Variants in C1QTNF3 observed in about 807,000 individuals in gnomAD.
C1QTNF3 encodes complement C1q tumor necrosis factor-related protein 3.
A neutral mutation model predicts 32.6 loss-of-function variants in C1QTNF3; 26 were observed. That is an observed-to-expected ratio of 0.80 (90% CI 0.58 to 1.11). The LOEUF is 1.11. C1QTNF3 is among the 50% of genes least tolerant of loss of function. The pLI is 0.00. For synonymous variants in C1QTNF3, 155 were observed against 146.0 expected (o/e 1.06, Z -0.44); for missense variants, 362 against 398.2 (o/e 0.91, Z 0.77).
Position 34,028,812 on chromosome 5 carries a change from C to G in C1QTNF3, c.642G>C (p.Glu214Asp). The change falls in exon 4 of 6, where the codon GAG becomes GAC. Residue 214 changes from glutamate (E) to aspartate (D), a missense_variant. By Grantham distance (45) the Glu-to-Asp change is conservative. Transcript: ENST00000382065. ...CATCAAAGAAGTTTCCAATGTTGGT[C>G]TCAACACTGCTGAAGATAATCCCAC... is the stretch of plus-strand genomic sequence containing the variant. ...QNSGIIFSSV[E>D]TNIGNFFDVM... is the part of the protein sequence containing the mutation. 1 of 1,613,052 alleles carries G rather than the reference C, an allele frequency of 6.2e-7. No individual in the cohort carries two copies. Among genetic ancestry groups the G allele is most frequent in the Middle Eastern group, 1.7e-4 (1 of 6,056 alleles).
the C1QTNF3 span, among the ~76,000 whole-genome samples, chr5:34,102,055 GAGATTCCT>G: frequency 6.8e-6 from 1 of 147,466 alleles, no homozygotes; most frequent in African/African-American, 2.5e-5. Flanking sequence ...TATTTCAAAG[GAGATTCCT>G]AGATGTGAAA....
At chr5:34,167,391 CTA>C in the C1QTNF3 span, 4 of 152,214 alleles carry the variant, frequency 2.6e-5, no homozygotes, top group Non-Finnish European at 5.9e-5. Context: ...CTCTCTTTCT[CTA>C]TCTTACATCT....
At chr5:34,202,767 T>A in the C1QTNF3 span, among the ~76,000 whole-genome samples, 29 of 152,336 alleles carry the variant, frequency 1.9e-4, no homozygotes, top group African/African-American at 6.7e-4. Flanking sequence ...GCTGCATACT[T>A]TGGGAAGCAT....
the C1QTNF3 span, among the ~76,000 whole-genome samples, chr5:34,224,421 C>A: frequency 1.3e-5 from 2 of 152,160 alleles, no homozygotes; most frequent in Admixed American, 1.3e-4. Flanking sequence ...GCTACAGTAA[C>A]CAAAACAGCA....
At chr5:34,216,568 A>G in the C1QTNF3 span, among the ~76,000 whole-genome samples, 1 of 152,208 alleles carries the variant, frequency 6.6e-6, no homozygotes, top group Admixed American at 6.6e-5. Flanking sequence ...ATAAAGCCAC[A>G]TGGTATCCAT....
the C1QTNF3 span, among the ~76,000 whole-genome samples, chr5:34,101,775 G>A: frequency 6.6e-6 from 1 of 151,960 alleles, no homozygotes; most frequent in Admixed American, 6.6e-5. Flanking sequence ...CAGCCTCTTT[G>A]ATCATTTCAG....
At chr5:34,179,338 C>T in the C1QTNF3 span, among the ~76,000 whole-genome samples, 2 of 152,278 alleles carry the variant, frequency 1.3e-5, no homozygotes, top group African/African-American at 4.8e-5. Context: ...AAAAATTAGC[C>T]AGGCTTAGTG....
chr5:34,148,031 T>G, the C1QTNF3 span, among the ~76,000 whole-genome samples: 13 of 151,980 alleles, frequency 8.6e-5, no homozygotes, highest in African/African-American at 1.2e-4. Context: ...GGGCAAGGCA[T>G]TGCCTCACCT....
rs369846327 is a variant in C1QTNF3, at chr5:34,042,800, C to T, written c.303+23G>A. The T allele has an allele frequency of 3.2e-4, 518 of 1,594,270 alleles. 1 individual carries two copies. The highest frequency in any genetic ancestry group is 4.1e-4 in the Non-Finnish European group (483 of 1,170,540). ...ACACTCATTAAGCTTTCACAAAAAT[C>T]CTTAGAAGAGAATTCTGAGTACCTG... On this transcript the variant is annotated intron_variant, in intron 1 of 5. Coordinates refer to ENST00000382065, the MANE Select transcript of C1QTNF3 (RefSeq NM_181435.6).
the C1QTNF3 span, among the ~76,000 whole-genome samples, chr5:34,233,158 G>A: frequency 6.6e-6 from 1 of 150,394 alleles, no homozygotes; most frequent in African/African-American, 2.4e-5. Flanking sequence ...TGTATTTAAT[G>A]TTTGTTTTCT....
Position 34,025,631 on chromosome 5 carries a change from A to G in C1QTNF3, c.701-1623T>C, listed in dbSNP as rs542840199. Among the ~76,000 whole-genome samples, 4 of 152,302 alleles carry G rather than the reference A, an allele frequency of 2.6e-5. No homozygotes were observed. The South Asian group carries it at 6.2e-4, about 24-fold the overall frequency. On this transcript the variant is annotated intron_variant, in intron 4 of 5. Transcript: ENST00000382065. The stretch of plus-strand genomic sequence containing the variant: ...GGACAAAATGGTCTTTTTGCAATCT[A>G]TTGCAAAAATGGAGACTGAAACAGA...
the C1QTNF3 span, among the ~76,000 whole-genome samples, chr5:34,203,500 A>G: frequency 3.3e-5 from 5 of 152,150 alleles, no homozygotes; most frequent in African/African-American, 1.2e-4. Context: ...AGGCTGGCCA[A>G]CATAGTGAAA....
chr5:34,020,783 T>C lies in C1QTNF3; in HGVS notation c.801-41A>G. ...GGAACAAACTACTTAGTTTTTGCCA[T>C]GAACAACCAGCTCTTCACCAAAGTC... On this transcript the variant is annotated intron_variant, in intron 5 of 5. Transcript: ENST00000382065. 6 of 1,590,866 alleles carry C rather than the reference T, an allele frequency of 3.8e-6. No homozygotes were observed. In the Admixed American group the frequency reaches 6.8e-5, roughly 18 times the overall value.
the C1QTNF3 span, among the ~76,000 whole-genome samples, chr5:34,144,605 A>T: frequency 6.6e-6 from 1 of 152,226 alleles, no homozygotes; most frequent in Non-Finnish European, 1.5e-5. Context: ...TGCAATAAAA[A>T]AAAGAAGTGA....
chr5:34,147,442 G>A, the C1QTNF3 span, among the ~76,000 whole-genome samples: 1 of 152,130 alleles, frequency 6.6e-6, no homozygotes, highest in Non-Finnish European at 1.5e-5. Context: ...ATCGGGTAAA[G>A]AAAATGTGGT....
At chr5:34,024,057 T>C (rs754992532) in intron 4 of C1QTNF3, 49 bp from the exon 5 acceptor site, 2 of 1,459,338 alleles carry the variant, frequency 1.4e-6, no homozygotes, top group South Asian at 2.3e-5. Context: ...TGTTATACAT[T>C]GAGGACCTGG....
intron 3 of C1QTNF3, among the ~76,000 whole-genome samples, chr5:34,029,438 C>T (rs1178877909): frequency 6.6e-6 from 1 of 152,078 alleles, no homozygotes; most frequent in African/African-American, 2.4e-5. Flanking sequence ...TGGTGCCTAG[C>T]CTATTAATTT....
chr5:34,020,499 C>A lies in C1QTNF3; in HGVS notation c.*84G>T. On this transcript the variant is annotated 3_prime_UTR_variant, in exon 6 of 6. Coordinates refer to ENST00000382065, the MANE Select transcript of C1QTNF3 (RefSeq NM_181435.6). ...ATTTTTTGAATACAGCAATGTAAAA[C>A]CCTCAACTTTAATGTTCCTCAGATC... is the stretch of plus-strand genomic sequence containing the variant. 1.3e-6 allele frequency: 2 copies of A among 1,491,430 alleles called. No individual in the cohort carries two copies. Among genetic ancestry groups the A allele is most frequent in the African/African-American group, 1.4e-5 (1 of 71,776 alleles). 92.4% of individuals were successfully genotyped at this position (1,491,430 alleles called of 1,614,324 possible). A position where few individuals can be genotyped will look rare whatever the true frequency, so the allele number is the denominator to read the frequency against.
chr5:34,112,558 A>G, the C1QTNF3 span, among the ~76,000 whole-genome samples: 1 of 151,856 alleles, frequency 6.6e-6, no homozygotes, highest in Middle Eastern at 3.2e-3. Context: ...AGGCCTAGCT[A>G]CTTGGGAAGC....
Sources: gnomAD v4.1 joint callset for allele counts (sites outside exome capture counted in the v4.1 genomes callset) on GRCh38, gnomAD v4.1.1 for gene constraint, MANE v1.5 for transcripts, NCBI Gene and HGNC (gene_info 2026-07-23, HGNC 2026-07-21) for gene names.